Variants in SCARB2 observed in about 807,000 individuals in gnomAD.
SCARB2 encodes scavenger receptor class B member 2.
SCARB2 carries 29 observed loss-of-function variants against 58.6 expected under a neutral mutation model. The observed-to-expected ratio is 0.49, with a 90% CI of 0.37 to 0.67. The LOEUF is 0.67. Ranked by LOEUF, SCARB2 falls within the 30% of genes least tolerant of loss-of-function variation. SCARB2 has a pLI of 0.00. For synonymous variants in SCARB2, 195 were observed against 210.1 expected, an observed-to-expected ratio of 0.93 and a Z score of 0.62; for missense variants, 488 against 578.5, an observed-to-expected ratio of 0.84 and a Z score of 1.60.
chr4:76,173,241 T>C (rs1040141003), intron 7 of SCARB2: 2 of 152,156 alleles, frequency 1.3e-5, no homozygotes, highest in African/African-American at 4.8e-5. Flanking sequence ...GTGTCAGGGT[T>C]TAAAACTAAC....
At chr4:76,218,050 G>A (rs1016266915), upstream of SCARB2, among the ~76,000 whole-genome samples, 9 of 152,286 alleles carry the variant, frequency 5.9e-5, no homozygotes, top group East Asian at 3.9e-4. Flanking sequence ...ACCACAGGCC[G>A]GGCCAGGTGG....
chr4:76,183,727 G>A (rs1732431810), intron 2 of SCARB2, among the ~76,000 whole-genome samples: 1 of 152,178 alleles, frequency 6.6e-6, no homozygotes, highest in Non-Finnish European at 1.5e-5. Context: ...CTCCTGGGAG[G>A]TTGGGGGGTG....
intron 2 of SCARB2, among the ~76,000 whole-genome samples, chr4:76,187,012 A>AC: frequency 6.6e-6 from 1 of 152,186 alleles, no homozygotes; most frequent in Non-Finnish European, 1.5e-5. Flanking sequence ...TGTTAAAAAA[A>AC]TTTCTTATAC....
intron 4 of SCARB2, chr4:76,178,970 C>G (rs1732320166): frequency 6.1e-6 from 1 of 164,088 alleles, no homozygotes; most frequent in Non-Finnish European, 1.3e-5. Context: ...CTAATCTAAT[C>G]CTCTTCCTGG....
Position 76,168,473 on chromosome 4 carries a change from T to C in SCARB2, c.1117A>G (p.Thr373Ala). Reference protein sequence around the residue: ...HETFVDINPLTGIILKAAKRF... With the variant: ...HETFVDINPLAGIILKAAKRF... Reference sequence around the variant, plus strand: ...TTGGCTGCTTTTAGGATTATTCCAGTCAACTGCAAATCAGAGAAGTGAAAA... The same window carrying C: ...TTGGCTGCTTTTAGGATTATTCCAGCCAACTGCAAATCAGAGAAGTGAAAA... Residue 373 changes from threonine (T) to alanine (A), a missense_variant, in exon 9 of 12, where the codon ACT becomes GCT. Thr to Ala is a moderately conservative substitution (Grantham distance 58). Coordinates refer to ENST00000264896, the MANE Select transcript of SCARB2 (RefSeq NM_005506.4). The C allele has an allele frequency of 6.2e-7, 1 of 1,613,628 alleles. No individual in the cohort carries two copies. The highest frequency in any genetic ancestry group is 8.5e-7 in the Non-Finnish European group (1 of 1,179,616).
intron 5 of SCARB2, 54 bp from the exon 6 acceptor site, chr4:76,175,964 T>A: frequency 1.2e-6 from 2 of 1,605,340 alleles, no homozygotes; most frequent in South Asian, 2.2e-5. Flanking sequence ...GAGTTTAGAT[T>A]CTCTTAAATG....
At chr4:76,195,246 T>A (rs1732688436) in intron 2 of SCARB2, 2 of 160,786 alleles carry the variant, frequency 1.2e-5, no homozygotes. Context: ...ACACTTGCAA[T>A]CCCAGCTACT....
intron 1 of SCARB2, among the ~76,000 whole-genome samples, chr4:76,221,154 T>C (rs756963144): frequency 1.5e-4 from 23 of 152,140 alleles, no homozygotes; most frequent in Non-Finnish European, 2.8e-4. Context: ...GAAAAACCCA[T>C]TGTGGCAGGG....
chr4:76,234,179 GAA>G (rs1733542103), intron 1 of SCARB2: 1 of 152,404 alleles, frequency 6.6e-6, no homozygotes, highest in Admixed American at 6.5e-5. Flanking sequence ...AAAAAGGAAA[GAA>G]AAGGCCATGA....
At chr4:76,168,506 T>C in intron 8 of SCARB2, 30 bp from the exon 9 acceptor site, 1 of 1,589,292 alleles carries the variant, frequency 6.3e-7, no homozygotes. Context: ...AAAGGAAACA[T>C]TAGGATTTAT....
intron 1 of SCARB2, among the ~76,000 whole-genome samples, chr4:76,231,458 G>C (rs1262166537): frequency 6.6e-6 from 1 of 152,172 alleles, no homozygotes; most frequent in Non-Finnish European, 1.5e-5. Flanking sequence ...AGTGAGTTTA[G>C]AATTTAATGA....
intron 11 of SCARB2, chr4:76,162,018 C>T (rs1180506636): frequency 1.5e-5 from 8 of 532,762 alleles, no homozygotes; most frequent in African/African-American, 3.8e-5. Context: ...AAAACTTAGA[C>T]TCTATTCAAC....
chr4:76,214,766 T>A (rs1223805454), upstream of SCARB2, among the ~76,000 whole-genome samples: 1 of 152,210 alleles, frequency 6.6e-6, no homozygotes, highest in Non-Finnish European at 1.5e-5. Flanking sequence ...ACTCATTTAA[T>A]ACCCTTGGCA....
chr4:76,162,771 C>T (rs922445882), intron 11 of SCARB2: 9 of 262,998 alleles, frequency 3.4e-5, no homozygotes, highest in East Asian at 2.9e-4. Flanking sequence ...ATCTAATCCT[C>T]ATGAAAAACT....
chr4:76,178,757 T>A (rs1194685903), intron 4 of SCARB2, among the ~76,000 whole-genome samples: 3 of 152,218 alleles, frequency 2.0e-5, no homozygotes, highest in Non-Finnish European at 4.4e-5. Flanking sequence ...TATAATTTTT[T>A]AAAACTTGCT....
chr4:76,171,964 ATG>A (rs1263905770), intron 7 of SCARB2, among the ~76,000 whole-genome samples: 9 of 142,558 alleles, frequency 6.3e-5, no homozygotes, highest in Non-Finnish European at 1.4e-4. Flanking sequence ...TGTGTGCACC[ATG>A]AGTGTGTGTG....
upstream of SCARB2, among the ~76,000 whole-genome samples, chr4:76,214,844 AAG>A (rs1215079085): frequency 6.6e-6 from 1 of 152,232 alleles, no homozygotes; most frequent in Non-Finnish European, 1.5e-5. Context: ...GGTACTATGC[AAG>A]AGAGTTTTGA....
At chr4:76,226,889 A>G (rs1733407528) in intron 1 of SCARB2, among the ~76,000 whole-genome samples, 1 of 152,108 alleles carries the variant, frequency 6.6e-6, no homozygotes, top group South Asian at 2.1e-4. Context: ...TTCACTTCTA[A>G]TTGAGCTTTT....
chr4:76,195,343 C>A (rs1270665676), intron 2 of SCARB2: 1 of 194,446 alleles, frequency 5.1e-6, no homozygotes, highest in Non-Finnish European at 1.1e-5. Context: ...CCAGCCTGGG[C>A]AACAAAGCCA....
Sources: gnomAD v4.1 joint callset for allele counts (sites outside exome capture counted in the v4.1 genomes callset) on GRCh38, gnomAD v4.1.1 for gene constraint, MANE v1.5 for transcripts, NCBI Gene and HGNC (gene_info 2026-07-23, HGNC 2026-07-21) for gene names.